The following SNX29 variants were observed in gnomAD, a reference collection of about 807,000 sequenced individuals.
The protein encoded by SNX29 is sorting nexin 29, also known as sorting nexin-29.
Under a neutral mutation model 102.1 loss-of-function variants are expected in SNX29, and 78 were observed. The ratio of observed to expected loss-of-function variants is 0.76; its 90% CI spans 0.64 to 0.92. SNX29 has a LOEUF of 0.92. Ranked by LOEUF, SNX29 falls within the 40% of genes least tolerant of loss-of-function variation. SNX29 has a pLI of 0.00. For synonymous variants in SNX29, 580 were observed against 414.5 expected, an observed-to-expected ratio of 1.40 and a Z score of -4.85; for missense variants, 1,280 against 1,061.7, an observed-to-expected ratio of 1.21 and a Z score of -2.86.
At position 12,503,453 on chromosome 16, in the gene SNX29, C is replaced by G. The variant is rs540468830; in HGVS notation, c.2179-21249C>G. On this transcript the variant is annotated intron_variant, in intron 19 of 20. Coordinates refer to ENST00000566228, the MANE Select transcript of SNX29 (RefSeq NM_032167.5). ...GGGTGTTGGGGGGCAGAATGGGGCT[C>G]CAGGATGGGCAGCCCAGGGAAGGAG... Among the ~76,000 whole-genome samples the G allele has an allele frequency of 5.0e-4, 76 of 152,176 alleles. No individual in the cohort carries two copies. The East Asian group carries it at 0.012, about 24-fold the overall frequency.
At chr16:12,296,277 AT>A (rs1359319848) in intron 15 of SNX29, among the ~76,000 whole-genome samples, 9 of 152,372 alleles carry the variant, frequency 5.9e-5, no homozygotes, top group Non-Finnish European at 7.3e-5. Context: ...GTGGTGGTCA[AT>A]TTTGATGAAA....
At chr16:12,534,540 T>A (rs1348686483) in intron 20 of SNX29, among the ~76,000 whole-genome samples, 2 of 152,240 alleles carry the variant, frequency 1.3e-5, no homozygotes, top group Non-Finnish European at 2.9e-5. Context: ...GGCAGTTGTG[T>A]CAGTTCAGGG....
chr16:12,091,464 C>G (rs2052538343), intron 11 of SNX29, among the ~76,000 whole-genome samples: 1 of 152,076 alleles, frequency 6.6e-6, no homozygotes, highest in Non-Finnish European at 1.5e-5. Flanking sequence ...GGCTGGAGCC[C>G]TCATGAGTGG....
chr16:12,183,482 T>C (rs1312877882), intron 13 of SNX29, among the ~76,000 whole-genome samples: 1 of 152,172 alleles, frequency 6.6e-6, no homozygotes, highest in Non-Finnish European at 1.5e-5. Flanking sequence ...CAGAGATACA[T>C]ACTGTGTATA....
intron 19 of SNX29, among the ~76,000 whole-genome samples, chr16:12,504,436 C>A (rs193027960): frequency 6.6e-6 from 1 of 152,208 alleles, no homozygotes; most frequent in Non-Finnish European, 1.5e-5. Flanking sequence ...GGCAACCACT[C>A]ATCTGCTTTC....
chr16:12,392,287 C>T (rs1387347479), intron 16 of SNX29, among the ~76,000 whole-genome samples: 1 of 152,182 alleles, frequency 6.6e-6, no homozygotes, highest in Non-Finnish European at 1.5e-5. Context: ...TTTTATTACC[C>T]TAAGTGGTAT....
At chr16:12,151,468 A>T (rs1456592025) in intron 13 of SNX29, among the ~76,000 whole-genome samples, 1 of 152,044 alleles carries the variant, frequency 6.6e-6, no homozygotes, top group Non-Finnish European at 1.5e-5. Flanking sequence ...CTGTACTCAG[A>T]AAAAAAAGAA....
chr16:12,311,014 G>A (rs2080521747), intron 15 of SNX29, among the ~76,000 whole-genome samples: 1 of 152,196 alleles, frequency 6.6e-6, no homozygotes, highest in Non-Finnish European at 1.5e-5. Flanking sequence ...GCTTTCCTGG[G>A]AGGACCATAA....
At chr16:12,260,106 G>A (rs2078690703) in intron 14 of SNX29, among the ~76,000 whole-genome samples, 1 of 152,112 alleles carries the variant, frequency 6.6e-6, no homozygotes, top group Non-Finnish European at 1.5e-5. Flanking sequence ...CTGACCCTAT[G>A]GCATTCTTCA....
chr16:12,499,622 A>C (rs116842571), intron 19 of SNX29, among the ~76,000 whole-genome samples: 1 of 152,182 alleles, frequency 6.6e-6, no homozygotes, highest in Non-Finnish European at 1.5e-5. Context: ...ACCACACCCC[A>C]GACCCGGTGA....
chr16:12,437,834 A>C (rs1203504927), intron 18 of SNX29, among the ~76,000 whole-genome samples: 2 of 152,154 alleles, frequency 1.3e-5, no homozygotes, highest in Admixed American at 6.5e-5. Flanking sequence ...CTGGCCTTCC[A>C]AACCACTCTG....
intron 15 of SNX29, among the ~76,000 whole-genome samples, chr16:12,295,307 A>G (rs1216871090): frequency 6.6e-6 from 1 of 152,204 alleles, no homozygotes. Flanking sequence ...ACACCCCACC[A>G]TGGGGCAGTG....
chr16:12,408,879 G>C (rs1004301653), intron 18 of SNX29, among the ~76,000 whole-genome samples: 4 of 152,212 alleles, frequency 2.6e-5, no homozygotes, highest in Non-Finnish European at 5.9e-5. Context: ...GCTATGTGCA[G>C]TCACAGAGCC....
chr16:12,535,292 C>T (rs1254671174), intron 20 of SNX29, among the ~76,000 whole-genome samples: 4 of 152,164 alleles, frequency 2.6e-5, no homozygotes, highest in African/African-American at 9.7e-5. Context: ...GCATGTGCCA[C>T]CATGCCCAGC....
At chr16:12,320,873 C>T (rs1256571923) in intron 15 of SNX29, among the ~76,000 whole-genome samples, 3 of 152,140 alleles carry the variant, frequency 2.0e-5, no homozygotes, top group Admixed American at 6.5e-5. Flanking sequence ...CCTGAGGTTG[C>T]CTTAGGTCCC....
intron 18 of SNX29, among the ~76,000 whole-genome samples, chr16:12,440,814 C>T (rs556335850): frequency 5.7e-4 from 87 of 152,294 alleles, no homozygotes; most frequent in African/African-American, 2.0e-3. Context: ...TGTATATGTA[C>T]CACGTTTTCT....
At chr16:12,435,846 C>T (rs1041907210) in intron 18 of SNX29, among the ~76,000 whole-genome samples, 4 of 152,144 alleles carry the variant, frequency 2.6e-5, no homozygotes, top group South Asian at 2.1e-4. Context: ...GTTGAAATGG[C>T]AGGTGTAGTC....
chr16:12,362,562 A>AC (rs796459458), intron 16 of SNX29, among the ~76,000 whole-genome samples: 1,060 of 19,806 alleles, frequency 0.054, 62 homozygotes, highest in African/African-American at 0.1. Flanking sequence ...CTCCCCCCCC[A>AC]CCCCCCCCCC....
intron 4 of SNX29, among the ~76,000 whole-genome samples, chr16:12,032,820 A>G (rs530680538): frequency 4.2e-4 from 64 of 151,636 alleles, no homozygotes; most frequent in African/African-American, 1.5e-3. Flanking sequence ...TTTCTCCACC[A>G]TCCTTCCACA....
Sources: allele counts gnomAD v4.1 joint callset (sites outside exome capture counted in the v4.1 genomes callset), GRCh38; gene constraint gnomAD v4.1.1; transcripts MANE v1.5; gene names NCBI Gene and HGNC (gene_info 2026-07-23, HGNC 2026-07-21).